The following FRMPD4 variants were observed in gnomAD, a reference collection of about 807,000 sequenced individuals.
FRMPD4 encodes FERM and PDZ domain containing 4, also known as FERM and PDZ domain-containing protein 4.
FRMPD4 carries 22 observed loss-of-function variants against 94.1 expected under a neutral mutation model. The observed-to-expected ratio is 0.23, with a 90% CI of 0.17 to 0.33. The LOEUF is 0.33. Ranked by LOEUF, FRMPD4 falls within the 10% of genes least tolerant of loss-of-function variation. FRMPD4 has a pLI of 1.00. For synonymous variants in FRMPD4, 631 were observed against 548.6 expected (o/e 1.15, Z -2.10); for missense variants, 1,111 against 1,339.9 (o/e 0.83, Z 2.67).
intron 1 of FRMPD4, among the ~76,000 whole-genome samples, chrX:12,364,097 A>AGAT (rs751806527): frequency 4.7e-4 from 53 of 111,650 alleles, no homozygotes; most frequent in Non-Finnish European, 8.3e-4. Context: ...TTCTCAAGAT[A>AGAT]GATGAGGAAT....
intron 4 of FRMPD4, among the ~76,000 whole-genome samples, chrX:12,665,044 G>A (rs772502564): frequency 9.0e-6 from 1 of 111,461 alleles, no homozygotes; most frequent in Admixed American, 9.6e-5. Flanking sequence ...GGGATCAGTG[G>A]TGATATCCCC....
intron 3 of FRMPD4, among the ~76,000 whole-genome samples, chrX:11,889,453 C>T (rs1165053953): frequency 8.9e-6 from 1 of 112,151 alleles, no homozygotes; most frequent in Non-Finnish European, 1.9e-5. Flanking sequence ...TCATTAAGAA[C>T]TATATAAATG....
chrX:12,671,598 TA>T (rs2059844543), intron 4 of FRMPD4, among the ~76,000 whole-genome samples: 1 of 109,859 alleles, frequency 9.1e-6, no homozygotes, highest in African/African-American at 3.3e-5. Flanking sequence ...GGTGGGGGGC[TA>T]GGGGAGGGAT....
Position 12,678,158 on chromosome X carries a change from T to A in FRMPD4, c.468+3250T>A, listed in dbSNP as rs964364080. Among the ~76,000 whole-genome samples, 7 of 112,601 alleles carry A rather than the reference T, an allele frequency of 6.2e-5. 1 individual carries two copies. Among genetic ancestry groups the A allele is most frequent in the Admixed American group, 5.6e-4 (6 of 10,651 alleles). On this transcript the variant is annotated intron_variant, in intron 5 of 16. Coordinates refer to ENST00000675598, the MANE Select transcript of FRMPD4 (RefSeq NM_001368397.1). Reference sequence around the variant, plus strand: ...TTCCTATGTCATCAAAAACTCTTTATAAGCATCACTTAAATGGCTGCAAAA... The same window carrying A: ...TTCCTATGTCATCAAAAACTCTTTAAAAGCATCACTTAAATGGCTGCAAAA...
chrX:12,492,130 C>T lies in FRMPD4; in HGVS notation c.42-6550C>T, dbSNP rs1251487038. Among the ~76,000 whole-genome samples, 6 of 112,210 alleles carry T rather than the reference C, an allele frequency of 5.3e-5. No individual in the cohort carries two copies. The South Asian group carries it at 1.5e-3, about 28-fold the overall frequency. On this transcript the variant is annotated intron_variant, in intron 1 of 16. Coordinates refer to ENST00000675598, the MANE Select transcript of FRMPD4 (RefSeq NM_001368397.1). ...CAATTCGGGGCAGGGCTGCATCTAA[C>T]TTTAATGGCAACCACTGCATGTGAT...
At chrX:12,234,494 G>A (rs1042434500) in intron 1 of FRMPD4, among the ~76,000 whole-genome samples, 5 of 110,936 alleles carry the variant, frequency 4.5e-5, no homozygotes, top group African/African-American at 9.9e-5. Flanking sequence ...GCAGGTCGTT[G>A]AACATTTGCC....
At chrX:12,229,615 T>C (rs1308525499) in intron 1 of FRMPD4, among the ~76,000 whole-genome samples, 3 of 111,820 alleles carry the variant, frequency 2.7e-5, no homozygotes, top group Non-Finnish European at 5.6e-5. Context: ...GTTTCTGTCT[T>C]TTCCATTACT....
At chrX:12,243,512 A>T (rs1357090116) in intron 1 of FRMPD4, among the ~76,000 whole-genome samples, 1 of 111,748 alleles carries the variant, frequency 8.9e-6, no homozygotes, top group Non-Finnish European at 1.9e-5. Context: ...CAAATGTCTT[A>T]TATGTTGTTA....
intron 1 of FRMPD4, among the ~76,000 whole-genome samples, chrX:12,198,122 C>T (rs964250738): frequency 3.6e-5 from 4 of 111,748 alleles, no homozygotes; most frequent in African/African-American, 1.3e-4. Context: ...TATATTAATA[C>T]TATGGGATTG....
At chrX:12,351,811 G>A (rs1017076630) in intron 1 of FRMPD4, among the ~76,000 whole-genome samples, 1 of 112,774 alleles carries the variant, frequency 8.9e-6, no homozygotes, top group Non-Finnish European at 1.9e-5. Context: ...TTTCATCAAT[G>A]TAGTGGTATG....
At chrX:12,642,669 A>C (rs1029083705) in intron 4 of FRMPD4, among the ~76,000 whole-genome samples, 5 of 112,996 alleles carry the variant, frequency 4.4e-5, no homozygotes, top group African/African-American at 1.6e-4. Flanking sequence ...TGGAAGGCCA[A>C]CGTGGGTGGA....
chrX:12,512,057 C>T (rs2058048703), intron 2 of FRMPD4, among the ~76,000 whole-genome samples: 6 of 112,040 alleles, frequency 5.4e-5, no homozygotes, highest in Admixed American at 3.8e-4. Context: ...CAGCAGCCAT[C>T]AACACCGAGG....
intron 3 of FRMPD4, among the ~76,000 whole-genome samples, chrX:11,943,429 G>C (rs2054172823): frequency 9.1e-6 from 1 of 110,303 alleles, no homozygotes; most frequent in African/African-American, 3.3e-5. Context: ...CAGTTCTGGA[G>C]GCTAGTAAGT....
intron 3 of FRMPD4, among the ~76,000 whole-genome samples, chrX:11,946,039 A>G (rs1001974080): frequency 1.8e-5 from 2 of 111,980 alleles, no homozygotes; most frequent in African/African-American, 3.2e-5. Context: ...AAAACTGAGT[A>G]AAAATAAAAA....
intron 3 of FRMPD4, among the ~76,000 whole-genome samples, chrX:12,109,556 T>C (rs896876301): frequency 2.2e-4 from 24 of 110,151 alleles, no homozygotes; most frequent in Non-Finnish European, 4.2e-4. Context: ...TAGCAGAAGG[T>C]GAGAAATAAC....
At chrX:12,652,432 T>G (rs1057458966) in intron 4 of FRMPD4, among the ~76,000 whole-genome samples, 1 of 112,008 alleles carries the variant, frequency 8.9e-6, no homozygotes, top group Non-Finnish European at 1.9e-5. Context: ...ACTAATTATA[T>G]TCACAATATT....
At chrX:12,193,786 G>GAA (rs1491411923) in intron 1 of FRMPD4, among the ~76,000 whole-genome samples, 5 of 26,826 alleles carry the variant, frequency 1.9e-4, no homozygotes, top group Admixed American at 5.7e-4. Context: ...AAGGAAGGAA[G>GAA]GAAGGAAGGA....
At chrX:12,669,543 A>C (rs1404159691) in intron 4 of FRMPD4, among the ~76,000 whole-genome samples, 1 of 112,245 alleles carries the variant, frequency 8.9e-6, no homozygotes, top group Non-Finnish European at 1.9e-5. Flanking sequence ...GATAAAGCTA[A>C]TGTCTATGGT....
intron 1 of FRMPD4, among the ~76,000 whole-genome samples, chrX:12,187,300 T>G (rs1007948277): frequency 9.0e-6 from 1 of 111,156 alleles, no homozygotes; most frequent in African/African-American, 3.3e-5. Flanking sequence ...TCATAAATGC[T>G]GCTTTACATT....
Sources: allele counts gnomAD v4.1 joint callset (sites outside exome capture counted in the v4.1 genomes callset), GRCh38; gene constraint gnomAD v4.1.1; transcripts MANE v1.5; gene names NCBI Gene and HGNC (gene_info 2026-07-23, HGNC 2026-07-21).